PAK5: variants seen among roughly 807,000 people sequenced by gnomAD.
PAK5 encodes p21 (RAC1) activated kinase 5.
In PAK5, 16 loss-of-function variants were observed where a neutral mutation model predicts 65.9. The observed-to-expected ratio is 0.24, with a 90% CI of 0.16 to 0.37. PAK5 has a LOEUF of 0.37. PAK5 is among the 10% of genes least tolerant of loss of function. PAK5 has a pLI of 1.00. For synonymous variants in PAK5, 371 were observed against 354.9 expected (o/e 1.05, Z -0.51); for missense variants, 785 against 903.9 (o/e 0.87, Z 1.69).
intron 2 of PAK5, among the ~76,000 whole-genome samples, chr20:9,677,036 G>T (rs1452580915): frequency 1.5e-5 from 2 of 129,646 alleles, no homozygotes; most frequent in African/African-American, 6.3e-5. Flanking sequence ...TCAAAATCAG[G>T]GTATGTGCAT....
At chr20:9,671,369 T>A (rs1569031707) in intron 2 of PAK5, among the ~76,000 whole-genome samples, 1 of 152,186 alleles carries the variant, frequency 6.6e-6, no homozygotes, top group South Asian at 2.1e-4. Context: ...TTGGGCAGTA[T>A]GGCCATTTTC....
intron 2 of PAK5, among the ~76,000 whole-genome samples, chr20:9,651,057 C>A (rs1196143274): frequency 6.6e-6 from 1 of 152,176 alleles, no homozygotes; most frequent in Non-Finnish European, 1.5e-5. Context: ...ATTGCCTCCT[C>A]AGGCAGCCCA....
chr20:9,827,908 T>C (rs1397166968), intron 1 of PAK5, among the ~76,000 whole-genome samples: 2 of 152,228 alleles, frequency 1.3e-5, no homozygotes, highest in Non-Finnish European at 2.9e-5. Context: ...CTCAGCTCAC[T>C]GCAACATCTG....
intron 1 of PAK5, among the ~76,000 whole-genome samples, chr20:9,823,138 A>G (rs2049442790): frequency 6.6e-6 from 1 of 152,002 alleles, no homozygotes; most frequent in Admixed American, 6.6e-5. Context: ...TCCCTTTTTT[A>G]CCCTTCTGCC....
chr20:9,835,322 GGGTC>G (rs1979061313), intron 1 of PAK5, among the ~76,000 whole-genome samples: 1 of 152,110 alleles, frequency 6.6e-6, no homozygotes, highest in Non-Finnish European at 1.5e-5. Context: ...TGAGAGAGTT[GGGTC>G]GGTGGGGAAG....
intron 2 of PAK5, among the ~76,000 whole-genome samples, chr20:9,684,731 G>A (rs73242832): frequency 7.2e-4 from 110 of 152,248 alleles, no homozygotes; most frequent in African/African-American, 2.6e-3. Context: ...TCTTCAGTTA[G>A]GCATTAGTAT....
At chr20:9,798,801 G>A (rs895108600) in intron 1 of PAK5, among the ~76,000 whole-genome samples, 10 of 152,084 alleles carry the variant, frequency 6.6e-5, no homozygotes, top group Non-Finnish European at 8.8e-5. Context: ...GGTTCTCAAA[G>A]CACAGTCACT....
intron 2 of PAK5, among the ~76,000 whole-genome samples, chr20:9,664,776 C>T (rs2047390899): frequency 6.6e-6 from 1 of 152,020 alleles, no homozygotes; most frequent in South Asian, 2.1e-4. Context: ...CATATTGTAG[C>T]CTCATAAATA....
intron 1 of PAK5, among the ~76,000 whole-genome samples, chr20:9,720,857 A>C (rs772733423): frequency 2.2e-4 from 34 of 152,170 alleles, no homozygotes; most frequent in Non-Finnish European, 1.0e-4. Context: ...ACAAAAAGTC[A>C]AATATTTTAT....
At chr20:9,560,833 T>C (rs1344437841) in intron 6 of PAK5, among the ~76,000 whole-genome samples, 1 of 152,200 alleles carries the variant, frequency 6.6e-6, no homozygotes, top group East Asian at 1.9e-4. Context: ...ATTAGAAGGA[T>C]CTGACGTAAC....
chr20:9,771,454 G>C (rs754142714), intron 1 of PAK5, among the ~76,000 whole-genome samples: 37 of 151,392 alleles, frequency 2.4e-4, no homozygotes, highest in Non-Finnish European at 1.5e-4. Context: ...TGTCACCCAG[G>C]CTAGAATGCA....
intron 3 of PAK5, among the ~76,000 whole-genome samples, chr20:9,602,109 A>G (rs6056743): frequency 0.22 from 33,363 of 151,556 alleles, 5,173 homozygotes; most frequent in African/African-American, 0.44. Flanking sequence ...TGGTCAACAT[A>G]GTGAAACCCC....
chr20:9,640,542 A>C (rs2047042246), intron 3 of PAK5, among the ~76,000 whole-genome samples: 6 of 152,262 alleles, frequency 3.9e-5, no homozygotes, highest in Admixed American at 2.6e-4. Flanking sequence ...GTGTGTTTAT[A>C]GCAGCATGTT....
intron 1 of PAK5, among the ~76,000 whole-genome samples, chr20:9,713,107 C>A (rs938235079): frequency 1.3e-5 from 2 of 152,036 alleles, no homozygotes; most frequent in African/African-American, 4.8e-5. Context: ...AAAATATTTG[C>A]AAACCATCCA....
intron 1 of PAK5, among the ~76,000 whole-genome samples, chr20:9,724,163 G>T (rs890089587): frequency 2.6e-5 from 4 of 152,122 alleles, no homozygotes; most frequent in Admixed American, 1.3e-4. Context: ...TTCCAAAAAA[G>T]GCCCAGCTTG....
chr20:9,582,999 CTT>C (rs1436207914), intron 3 of PAK5, among the ~76,000 whole-genome samples: 1 of 152,086 alleles, frequency 6.6e-6, no homozygotes, highest in African/African-American at 2.4e-5. Flanking sequence ...CCAGGTTTAT[CTT>C]TTATTTTCCC....
chr20:9,703,051 C>G (rs1430149271), intron 2 of PAK5, among the ~76,000 whole-genome samples: 1 of 152,100 alleles, frequency 6.6e-6, no homozygotes, highest in African/African-American at 2.4e-5. Flanking sequence ...ATAGATTGTA[C>G]CTAAAACCTT....
intron 3 of PAK5, among the ~76,000 whole-genome samples, chr20:9,582,698 G>T (rs1257495496): frequency 1.3e-5 from 2 of 152,092 alleles, no homozygotes; most frequent in African/African-American, 4.8e-5. Context: ...TGTGGTGGGG[G>T]TAGGGTATCT....
chr20:9,694,188 T>C (rs1416720029), intron 2 of PAK5, among the ~76,000 whole-genome samples: 1 of 152,088 alleles, frequency 6.6e-6, no homozygotes, highest in East Asian at 1.9e-4. Flanking sequence ...AAAAATCTTA[T>C]TATATTAAAA....
Sources: gnomAD v4.1 joint callset for allele counts (sites outside exome capture counted in the v4.1 genomes callset) on GRCh38, gnomAD v4.1.1 for gene constraint, MANE v1.5 for transcripts, NCBI Gene and HGNC (gene_info 2026-07-23, HGNC 2026-07-21) for gene names.